TARDBP: variants seen among roughly 807,000 people sequenced by gnomAD.
The protein encoded by TARDBP is TAR DNA-binding protein 43.
In TARDBP, 4 loss-of-function variants were observed where a neutral mutation model predicts 38.3. That is an observed-to-expected ratio of 0.10 (90% CI 0.05 to 0.24). The LOEUF is 0.24. TARDBP is among the 10% of genes least tolerant of loss of function. The pLI is 1.00. For synonymous variants in TARDBP, 184 were observed against 183.8 expected, an observed-to-expected ratio of 1.00 and a Z score of -0.01; for missense variants, 202 against 521.9, an observed-to-expected ratio of 0.39 and a Z score of 5.97.
Position 11,023,117 on chromosome 1 carries a change from T to C in TARDBP, c.*463T>C. On this transcript the variant is annotated 3_prime_UTR_variant, in exon 6 of 6. Transcript: ENST00000240185. ...ATCATGGTGTCACAGTGTTTGGTTCTTTTGTTTTGTTTTTTAACACTTGTC... is the reference window on the plus strand; with the variant it reads ...ATCATGGTGTCACAGTGTTTGGTTCCTTTGTTTTGTTTTTTAACACTTGTC... The C allele has an allele frequency of 1.3e-6, 2 of 1,534,208 alleles. No individual in the cohort carries two copies. Among genetic ancestry groups the C allele is most frequent in the South Asian group, 2.4e-5 (2 of 82,346 alleles).
chr1:11,017,143 C>G, intron 3 of TARDBP, 136 bp downstream of exon 3: 14 of 928,834 alleles, frequency 1.5e-5, no homozygotes, highest in South Asian at 6.8e-5. Context: ...CCATACTGTC[C>G]TCCTGCCTCG....
chr1:11,029,633 TC>T (rs1484044446), downstream of TARDBP: 1 of 87,578 alleles, frequency 1.1e-5, no homozygotes, highest in African/African-American at 3.9e-5. Flanking sequence ...ATTTTTAAAA[TC>T]TTTTTTTTTT....
At chr1:11,018,098 G>A (rs1391002099) in intron 3 of TARDBP, among the ~76,000 whole-genome samples, 1 of 151,892 alleles carries the variant, frequency 6.6e-6, no homozygotes, top group Non-Finnish European at 1.5e-5. Context: ...TAGGCAGGAT[G>A]GTCTCGATCT....
Position 11,018,668 on chromosome 1 carries a change from A to G in TARDBP, c.403-65A>G, listed in dbSNP as rs7540903. On this transcript the variant is annotated intron_variant, in intron 3 of 5. Coordinates refer to ENST00000240185, the MANE Select transcript of TARDBP (RefSeq NM_007375.4). ...CATTCAAATTGTTTTCTAAGGAACTATGATTTGGGAATGGAGTGTGTGAGT... is the reference window on the plus strand; with the variant it reads ...CATTCAAATTGTTTTCTAAGGAACTGTGATTTGGGAATGGAGTGTGTGAGT... 7.3e-3 allele frequency: 11,742 copies of G among 1,610,848 alleles called. 759 individuals are homozygous for G. In the African/African-American group the frequency reaches 0.14, roughly 19 times the overall value.
chr1:11,013,585 C>G, intron 1 of TARDBP, 131 bp from the exon 2 acceptor site: 1 of 736,912 alleles, frequency 1.4e-6, no homozygotes, highest in Non-Finnish European at 2.3e-6. Flanking sequence ...TCAGGGATAA[C>G]CAATGCATAT....
rs1557656606 is a variant in TARDBP at position 11,017,156 on chromosome 1, C to CCCAATGT, written c.402+150_402+156dup. 7 of 853,594 alleles carry CCCAATGT rather than the reference C, an allele frequency of 8.2e-6. No homozygotes were observed. The Admixed American group carries it at 1.0e-4, about 12-fold the overall frequency. The allele number at this position is 853,594 out of a possible 1,614,324, so 52.9% of individuals were successfully genotyped here. ...GCCCATACTGTCCTCCTGCCTCGAC[C>CCCAATGT]CCAATGTGCTGAGCCACCATGCCCA... On this transcript the variant is annotated intron_variant, in intron 3 of 5. Coordinates refer to ENST00000240185, the MANE Select transcript of TARDBP (RefSeq NM_007375.4).
downstream of TARDBP, among the ~76,000 whole-genome samples, chr1:11,029,334 G>A (rs1643800337): frequency 6.7e-6 from 1 of 150,232 alleles, no homozygotes; most frequent in South Asian, 2.1e-4. Flanking sequence ...TACAGAGGGG[G>A]AGGTTGCAGT....
At chr1:11,028,697 GTTTTTTTTCTTTTTTT>G (rs1439141400), downstream of TARDBP, among the ~76,000 whole-genome samples, 14 of 36,178 alleles carry the variant, frequency 3.9e-4, no homozygotes, top group African/African-American at 1.8e-3. Flanking sequence ...ATCTTTCTGG[GTTTTTTTTCTTTTTTT>G]TTTTTTTTTT....
At chr1:11,013,342 C>G (rs921604704) in intron 1 of TARDBP, among the ~76,000 whole-genome samples, 1 of 152,246 alleles carries the variant, frequency 6.6e-6, no homozygotes, top group South Asian at 2.1e-4. Context: ...AGTTAGGCTC[C>G]TCCTCTGCCT....
chr1:11,025,842 A>G (rs1408653423), downstream of TARDBP: 5 of 154,826 alleles, frequency 3.2e-5, no homozygotes, highest in African/African-American at 1.2e-4. Flanking sequence ...TCCGTAATCC[A>G]AGAGATAATG....
chr1:11,022,033 A>G lies in TARDBP; in HGVS notation c.715-91A>G. 1 of 1,482,786 alleles carries G rather than the reference A, an allele frequency of 6.7e-7. No individual in the cohort carries two copies. The highest frequency in any genetic ancestry group is 9.4e-7 in the Non-Finnish European group (1 of 1,067,786). The allele number at this position is 1,482,786 out of a possible 1,614,324, so 91.9% of individuals were successfully genotyped here. Reference sequence around the variant, plus strand: ...CTTATTTTTCCTCTGGCTTTAGATAAATTAATGCTTGTAATCTAAGTTTTG... The same window carrying G: ...CTTATTTTTCCTCTGGCTTTAGATAGATTAATGCTTGTAATCTAAGTTTTG... On this transcript the variant is annotated intron_variant, in intron 5 of 5. Transcript: ENST00000240185. This position sits in a 1 kb window ranked among gnomAD's most constrained non-coding sequence, Gnocchi z 4.5.
At chr1:11,013,662 G>A (rs903048201) in intron 1 of TARDBP, 54 bp from the exon 2 acceptor site, 48 of 1,417,614 alleles carry the variant, frequency 3.4e-5, no homozygotes, top group Non-Finnish European at 4.5e-5. Flanking sequence ...ATCATTATAA[G>A]GAAACAGTTA....
At chr1:11,028,706 CTTTTTTTT>C (rs1184236433), downstream of TARDBP, among the ~76,000 whole-genome samples, 4 of 12,066 alleles carry the variant, frequency 3.3e-4, no homozygotes, top group Non-Finnish European at 7.0e-4. Flanking sequence ...GGTTTTTTTT[CTTTTTTTT>C]TTTTTTTTTT....
chr1:11,012,876 C>G (rs1347527592), intron 1 of TARDBP, 133 bp downstream of exon 1: 1 of 152,340 alleles, frequency 6.6e-6, no homozygotes, highest in Non-Finnish European at 1.5e-5. Context: ...TAGTCCTGCC[C>G]GAGCGGGCTC....
intron 5 of TARDBP, among the ~76,000 whole-genome samples, chr1:11,021,019 G>GT (rs1461677575): frequency 6.6e-6 from 1 of 152,166 alleles, no homozygotes; most frequent in East Asian, 1.9e-4. Context: ...GACGTAGGGT[G>GT]TATGGGCCTA....
intron 2 of TARDBP, among the ~76,000 whole-genome samples, chr1:11,016,417 T>TA (rs1233503124): frequency 1.3e-5 from 2 of 152,312 alleles, no homozygotes; most frequent in African/African-American, 4.8e-5. Flanking sequence ...TGCTGGAACT[T>TA]ACAGGCATAC....
At chr1:11,027,082 C>T (rs891626213), downstream of TARDBP, 9 of 1,597,986 alleles carry the variant, frequency 5.6e-6, no homozygotes, top group East Asian at 1.3e-4. Context: ...CCCCCACTTT[C>T]TAAGCCAGCA....
At chr1:11,028,697 GTTTTTTTTCTTTTTTTTTTTTTTT>G (rs1164342626), downstream of TARDBP, among the ~76,000 whole-genome samples, 2 of 36,178 alleles carry the variant, frequency 5.5e-5, no homozygotes, top group Non-Finnish European at 1.1e-4. Flanking sequence ...ATCTTTCTGG[GTTTTTTTTCTTTTTTTTTTTTTTT>G]TTTTTTTTTT....
chr1:11,022,578 A>G lies in TARDBP; in HGVS notation c.1169A>G (p.Asn390Ser), dbSNP rs80356742. The part of the protein sequence containing the change: ...GAAIGWGSAS[N>S]AGSGSGFNGG... ...GCAATTGGTTGGGGATCAGCATCCA[A>G]TGCAGGGTCGGGCAGTGGTTTTAAT... is the stretch of plus-strand genomic sequence containing the variant. The change falls in exon 6 of 6, where the codon AAT becomes AGT. Residue 390 changes from asparagine to serine, a missense_variant. Asn to Ser is a conservative substitution (Grantham distance 46). This residue lies in a region of TARDBP where 107 missense variants were observed against 190.5 expected (regional missense o/e 0.56). Coordinates refer to ENST00000240185, the MANE Select transcript of TARDBP (RefSeq NM_007375.4). This position sits in a 1 kb window ranked among gnomAD's most constrained non-coding sequence, Gnocchi z 4.5. 37 of 1,585,644 alleles carry G rather than the reference A, an allele frequency of 2.3e-5. No homozygotes were observed. Among genetic ancestry groups the G allele is most frequent in the African/African-American group, 1.4e-4 (10 of 74,036 alleles).
Sources: allele counts gnomAD v4.1 joint callset (sites outside exome capture counted in the v4.1 genomes callset), GRCh38; gene constraint gnomAD v4.1.1; regional missense constraint gnomAD v4.1.1; non-coding constraint Gnocchi (gnomAD v3.1); transcripts MANE v1.5; gene names NCBI Gene and HGNC (gene_info 2026-07-23, HGNC 2026-07-21).